CNTNAP4: variants seen among roughly 807,000 people sequenced by gnomAD.
The protein encoded by CNTNAP4 is contactin associated protein family member 4, also known as contactin-associated protein-like 4.
CNTNAP4 carries 98 observed loss-of-function variants against 148.4 expected under a neutral mutation model. The observed-to-expected ratio is 0.66, with a 90% confidence interval of 0.56 to 0.78. The LOEUF is 0.78. Among genes scored for constraint, CNTNAP4 ranks in the 30% least tolerant of loss-of-function variants. The pLI is 0.00. For missense variants in CNTNAP4, 1,935 were observed against 1,565.6 expected (o/e 1.24, Z -3.98); for synonymous variants, 730 against 565.1 (o/e 1.29, Z -4.14).
intron 15 of CNTNAP4, among the ~76,000 whole-genome samples, chr16:76,501,179 T>C (rs1042697659): frequency 6.6e-6 from 1 of 152,220 alleles, no homozygotes; most frequent in Non-Finnish European, 1.5e-5. Context: ...CACAATCCCA[T>C]GAAGATGATA....
intron 21 of CNTNAP4, among the ~76,000 whole-genome samples, chr16:76,551,345 C>G (rs1281347040): frequency 6.6e-6 from 1 of 151,416 alleles, no homozygotes; most frequent in Non-Finnish European, 1.5e-5. Context: ...CTGCAGGGAG[C>G]TGAGATCGTG....
At position 76,467,469 on chromosome 16, in the gene CNTNAP4, G is replaced by T; in HGVS notation, c.1601G>T (p.Gly534Val). Residue 534 changes from glycine (G) to valine (V), a missense_variant, in exon 10 of 24, where the codon GGG (glycine) becomes GTG (valine). Physicochemically the swap from Gly to Val is moderately radical, Grantham distance 109. Coordinates refer to ENST00000611870, the MANE Select transcript of CNTNAP4 (RefSeq NM_033401.5). ...KVVDLISVQQ[G>V]SLGNFSDLQI... ...GTAGATCTGATTTCAGTTCAGCAGG[G>T]GTCCCTTGGGAACTTCAGTGACCTT... 1.9e-6 allele frequency: 3 copies of T among 1,613,748 alleles called. No homozygotes were observed. The highest frequency in any genetic ancestry group is 2.5e-6 in the Non-Finnish European group (3 of 1,179,798).
At chr16:76,379,784 A>G (rs964802425) in intron 3 of CNTNAP4, among the ~76,000 whole-genome samples, 3 of 152,188 alleles carry the variant, frequency 2.0e-5, no homozygotes, top group Non-Finnish European at 2.9e-5. Flanking sequence ...GACCAGGACA[A>G]TGGTCCTTAT....
At chr16:76,411,426 G>T in intron 3 of CNTNAP4, among the ~76,000 whole-genome samples, 1 of 151,182 alleles carries the variant, frequency 6.6e-6, no homozygotes. Context: ...GTCTGTAGTG[G>T]GGAATTCAGT....
intron 17 of CNTNAP4, among the ~76,000 whole-genome samples, chr16:76,527,462 C>G (rs2083791435): frequency 6.6e-6 from 1 of 152,124 alleles, no homozygotes; most frequent in African/African-American, 2.4e-5. Flanking sequence ...GTTCATCTGT[C>G]CATCTTAAAG....
chr16:76,416,150 C>CT (rs35456046), intron 3 of CNTNAP4, among the ~76,000 whole-genome samples: 4 of 150,802 alleles, frequency 2.7e-5, no homozygotes, highest in African/African-American at 7.3e-5. Context: ...TTTTCTTTCC[C>CT]TTTTTTCCCC....
intron 2 of CNTNAP4, among the ~76,000 whole-genome samples, chr16:76,350,359 A>G (rs994914840): frequency 3.3e-5 from 5 of 152,216 alleles, no homozygotes; most frequent in Non-Finnish European, 7.3e-5. Context: ...TCTTTTTAAA[A>G]GAGATGTTAA....
At chr16:76,471,092 G>A (rs554987343) in intron 10 of CNTNAP4, among the ~76,000 whole-genome samples, 60 of 151,850 alleles carry the variant, frequency 4.0e-4, no homozygotes, top group African/African-American at 1.3e-3. Flanking sequence ...CACTCCCTAC[G>A]CAAACACACA....
chr16:76,383,866 G>C (rs1435289342), intron 3 of CNTNAP4, among the ~76,000 whole-genome samples: 1 of 152,150 alleles, frequency 6.6e-6, no homozygotes, highest in Admixed American at 6.6e-5. Flanking sequence ...GTTCGTCTCT[G>C]AAGGTAGATG....
Position 76,317,380 on chromosome 16 carries a change from A to C in CNTNAP4, c.196+857A>C, listed in dbSNP as rs10492885. ...TGTTAAAAGGAAACTGAAGATAATT[A>C]AATGGCACCTTGCTGTAGAAATAAG... On this transcript the variant is annotated intron_variant, in intron 2 of 23. Transcript: ENST00000611870. 7.1e-3 allele frequency among the ~76,000 whole-genome samples: 1,074 copies of C among 152,250 alleles called. 8 individuals carry two copies. Among genetic ancestry groups the C allele is most frequent in the African/African-American group, 0.025 (1,042 of 41,544 alleles).
In CNTNAP4 at chr16:76,553,918, GC is replaced by G; in HGVS notation, c.3733+12del. ...CTGCAGTAATTGGAGGTAATAAGAA[GC>G]ATGAATGAGCTCTTCTTTGGTTGTT... is the stretch of plus-strand genomic sequence containing the variant. On this transcript the variant is annotated intron_variant, in intron 23 of 23. Transcript: ENST00000611870. 6.7e-7 allele frequency: 1 copy of G among 1,502,472 alleles called. No individual in the cohort carries two copies. The highest frequency in any genetic ancestry group is 9.3e-7 in the Non-Finnish European group (1 of 1,080,024). 93.1% of individuals were successfully genotyped at this position (1,502,472 alleles called of 1,614,324 possible).
intron 4 of CNTNAP4, among the ~76,000 whole-genome samples, 153 bp downstream of exon 4, chr16:76,427,752 A>C (rs541495594): frequency 6.6e-6 from 1 of 152,232 alleles, no homozygotes; most frequent in Non-Finnish European, 1.5e-5. Flanking sequence ...ATGCCTGTAC[A>C]TGCCAATATT....
At chr16:76,410,813 T>TA (rs1013246014) in intron 3 of CNTNAP4, among the ~76,000 whole-genome samples, 1 of 151,702 alleles carries the variant, frequency 6.6e-6, no homozygotes, top group African/African-American at 2.4e-5. Flanking sequence ...GGTGGCAACT[T>TA]AAAAAATAAT....
intron 1 of CNTNAP4, among the ~76,000 whole-genome samples, chr16:76,295,826 T>G (rs1170168023): frequency 6.6e-6 from 1 of 152,182 alleles, no homozygotes; most frequent in African/African-American, 2.4e-5. Context: ...AATTTATTTA[T>G]TTATTTTTTG....
intron 3 of CNTNAP4, among the ~76,000 whole-genome samples, chr16:76,403,347 C>T (rs950270803): frequency 4.6e-5 from 7 of 152,120 alleles, no homozygotes; most frequent in Non-Finnish European, 8.8e-5. Flanking sequence ...CCCACCTCGG[C>T]CTCCCAAAGG....
intron 2 of CNTNAP4, among the ~76,000 whole-genome samples, chr16:76,318,118 C>A (rs1031640034): frequency 6.6e-6 from 1 of 152,114 alleles, no homozygotes; most frequent in African/African-American, 2.4e-5. Context: ...ACCTATGGAC[C>A]CACCAGCAGG....
chr16:76,362,275 T>C (rs1488190454), intron 3 of CNTNAP4, among the ~76,000 whole-genome samples: 15 of 152,066 alleles, frequency 9.9e-5, no homozygotes, highest in Admixed American at 2.0e-4. Context: ...AATGAAAAAA[T>C]TTCTGTGTTC....
At chr16:76,526,960 C>T (rs574144026) in intron 17 of CNTNAP4, among the ~76,000 whole-genome samples, 1 of 152,304 alleles carries the variant, frequency 6.6e-6, no homozygotes, top group East Asian at 1.9e-4. Context: ...AGGTGTGAGG[C>T]ACCGCACCAG....
chr16:76,382,176 A>G (rs2016052285), intron 3 of CNTNAP4, among the ~76,000 whole-genome samples: 1 of 151,344 alleles, frequency 6.6e-6, no homozygotes, highest in Admixed American at 6.6e-5. Context: ...TGTTTTTCAG[A>G]TTTTACTGTA....
Sources: gnomAD v4.1 joint callset for allele counts (sites outside exome capture counted in the v4.1 genomes callset) on GRCh38, gnomAD v4.1.1 for gene constraint, MANE v1.5 for transcripts, NCBI Gene and HGNC (gene_info 2026-07-23, HGNC 2026-07-21) for gene names.